The following PTPRD variants were observed in gnomAD, a reference collection of about 807,000 sequenced individuals.
PTPRD encodes receptor-type tyrosine-protein phosphatase delta.
In PTPRD, 34 loss-of-function variants were observed where a neutral mutation model predicts 214.5. The observed-to-expected ratio is 0.16, with a 90% CI of 0.12 to 0.21. The LOEUF is 0.21. PTPRD is among the 10% of genes least tolerant of loss of function. The pLI is 1.00. For synonymous variants in PTPRD, 1,128 were observed against 845.7 expected, an observed-to-expected ratio of 1.33 and a Z score of -5.79; for missense variants, 2,545 against 2,398.7, an observed-to-expected ratio of 1.06 and a Z score of -1.27.
chr9:10,198,745 G>T (rs538086117), intron 3 of PTPRD, among the ~76,000 whole-genome samples: 3 of 152,086 alleles, frequency 2.0e-5, no homozygotes, highest in African/African-American at 7.2e-5. Context: ...AGTTCTCCAA[G>T]ATAGAAAAAT....
At chr9:10,138,241 C>T (rs913072988) in intron 3 of PTPRD, among the ~76,000 whole-genome samples, 2 of 152,066 alleles carry the variant, frequency 1.3e-5, no homozygotes, top group African/African-American at 4.8e-5. Flanking sequence ...AAAAGATCCT[C>T]AAAGGCTACT....
At chr9:9,568,152 G>A (rs1028470888) in intron 8 of PTPRD, among the ~76,000 whole-genome samples, 14 of 151,792 alleles carry the variant, frequency 9.2e-5, no homozygotes, top group African/African-American at 1.5e-4. Context: ...TGTATAATAA[G>A]AAGCCTTTCT....
At chr9:9,947,431 A>ACATAT (rs2092805251) in intron 4 of PTPRD, among the ~76,000 whole-genome samples, 1 of 30,844 alleles carries the variant, frequency 3.2e-5, no homozygotes, top group Non-Finnish European at 4.4e-5. Flanking sequence ...TATATTATAT[A>ACATAT]TATATTATAT....
intron 3 of PTPRD, among the ~76,000 whole-genome samples, chr9:10,082,836 C>CAA (rs1555566797): frequency 9.5e-5 from 13 of 136,720 alleles, no homozygotes; most frequent in South Asian, 6.6e-4. Flanking sequence ...CACACACACA[C>CAA]ACAAACACAC....
chr9:9,038,838 T>A (rs1304367416), intron 10 of PTPRD, among the ~76,000 whole-genome samples: 1 of 152,094 alleles, frequency 6.6e-6, no homozygotes, highest in Non-Finnish European at 1.5e-5. Flanking sequence ...ATTACAGGCG[T>A]GAGCCACCCC....
At chr9:9,018,535 T>A (rs928140257) in intron 11 of PTPRD, among the ~76,000 whole-genome samples, 162 bp downstream of exon 11, 2 of 152,214 alleles carry the variant, frequency 1.3e-5, no homozygotes, top group Non-Finnish European at 2.9e-5. Flanking sequence ...AGACTCCAAA[T>A]AATTTGAAAG....
chr9:10,181,942 T>TA (rs3075573), intron 3 of PTPRD, among the ~76,000 whole-genome samples: 1,025 of 38,512 alleles, frequency 0.027, 20 homozygotes, highest in African/African-American at 0.041. Context: ...TCATAAATAC[T>TA]AAAAAAAAAA....
At chr9:8,454,619 G>A in intron 33 of PTPRD, 1 of 1,611,312 alleles carries the variant, frequency 6.2e-7, no homozygotes, top group Non-Finnish European at 8.5e-7. Context: ...AGCAAAAAAA[G>A]GAAAAAGAAA....
intron 2 of PTPRD, among the ~76,000 whole-genome samples, chr9:10,460,682 G>A (rs1271225980): frequency 1.3e-5 from 2 of 152,066 alleles, no homozygotes; most frequent in Non-Finnish European, 2.9e-5. Context: ...AACCTGGATT[G>A]ACATATCCGA....
At chr9:9,850,341 A>G (rs1312740871) in intron 5 of PTPRD, among the ~76,000 whole-genome samples, 1 of 152,094 alleles carries the variant, frequency 6.6e-6, no homozygotes, top group Non-Finnish European at 1.5e-5. Flanking sequence ...AAGTGGAGTT[A>G]ACATGTAAAT....
intron 3 of PTPRD, among the ~76,000 whole-genome samples, chr9:10,279,419 A>C (rs569807429): frequency 6.6e-6 from 1 of 152,304 alleles, no homozygotes; most frequent in Admixed American, 6.5e-5. Flanking sequence ...GACTTGGTCA[A>C]CTGTAATAGT....
At chr9:8,556,486 T>C (rs2141024315) in intron 14 of PTPRD, among the ~76,000 whole-genome samples, 1 of 152,250 alleles carries the variant, frequency 6.6e-6, no homozygotes. Context: ...GCCACCAAAA[T>C]ATACTGTGCT....
chr9:9,137,287 G>A (rs541926959), intron 10 of PTPRD, among the ~76,000 whole-genome samples: 1 of 152,036 alleles, frequency 6.6e-6, no homozygotes, highest in African/African-American at 2.4e-5. Flanking sequence ...CCTTCCTTGG[G>A]CTATTTTGTT....
intron 9 of PTPRD, among the ~76,000 whole-genome samples, chr9:9,253,770 T>G (rs374641563): frequency 6.6e-6 from 1 of 152,248 alleles, no homozygotes; most frequent in South Asian, 2.1e-4. Flanking sequence ...CTGTATTTGT[T>G]TCTGAGAACT....
intron 9 of PTPRD, among the ~76,000 whole-genome samples, chr9:9,310,920 GATAA>G (rs146963669): frequency 0.029 from 4,042 of 138,460 alleles, 124 homozygotes; most frequent in African/African-American, 0.082. Context: ...CTGTGTCTCA[GATAA>G]ATAAATAAAT....
intron 5 of PTPRD, among the ~76,000 whole-genome samples, chr9:9,900,783 C>T (rs2076227599): frequency 6.6e-6 from 1 of 151,900 alleles, no homozygotes; most frequent in Admixed American, 6.6e-5. Flanking sequence ...ACTACAGGCA[C>T]GTGCCACCAC....
intron 6 of PTPRD, among the ~76,000 whole-genome samples, chr9:9,738,963 T>G (rs974478796): frequency 6.6e-6 from 1 of 152,180 alleles, no homozygotes. Flanking sequence ...AGACATGGTA[T>G]TTTTATATTA....
At chr9:10,151,396 G>A (rs1231575233) in intron 3 of PTPRD, among the ~76,000 whole-genome samples, 2 of 151,102 alleles carry the variant, frequency 1.3e-5, no homozygotes, top group African/African-American at 2.4e-5. Flanking sequence ...CCGAGTAGCT[G>A]GGATTACAGG....
intron 4 of PTPRD, among the ~76,000 whole-genome samples, chr9:9,953,418 C>T (rs144699820): frequency 2.0e-5 from 3 of 151,690 alleles, no homozygotes; most frequent in African/African-American, 7.3e-5. Context: ...AGAATTCAAC[C>T]ATGTAATCAA....
Sources: gnomAD v4.1 joint callset for allele counts (sites outside exome capture counted in the v4.1 genomes callset) on GRCh38, gnomAD v4.1.1 for gene constraint, MANE v1.5 for transcripts, NCBI Gene and HGNC (gene_info 2026-07-23, HGNC 2026-07-21) for gene names.